Variants in GLT8D2 observed in about 807,000 individuals in gnomAD.
The protein encoded by GLT8D2 is glycosyltransferase 8 domain-containing protein 2.
Under a neutral mutation model 44.5 loss-of-function variants are expected in GLT8D2, and 45 were observed. The observed-to-expected ratio is 1.01, with a 90% confidence interval of 0.80 to 1.30. The LOEUF is 1.30. Ranked by LOEUF, GLT8D2 falls within the 50% of genes most tolerant of loss-of-function variation. The pLI is 0.00. For missense variants in GLT8D2, 400 were observed against 430.4 expected, an observed-to-expected ratio of 0.93 and a Z score of 0.62; for synonymous variants, 156 against 157.2, an observed-to-expected ratio of 0.99 and a Z score of 0.06.
chr12:104,013,034 CT>C (rs1184510325), intron 4 of GLT8D2, among the ~76,000 whole-genome samples: 8 of 152,218 alleles, frequency 5.3e-5, no homozygotes. Context: ...GTCTAGCCAC[CT>C]AGTCTGTGCT....
chr12:104,017,099 T>C (rs936381483), intron 3 of GLT8D2, among the ~76,000 whole-genome samples: 4 of 152,230 alleles, frequency 2.6e-5, no homozygotes, highest in African/African-American at 9.6e-5. Context: ...TTCATGTTCA[T>C]AGCATTAATA....
chr12:104,000,100 G>C (rs1426536923), intron 5 of GLT8D2, among the ~76,000 whole-genome samples: 1 of 151,840 alleles, frequency 6.6e-6, no homozygotes, highest in Non-Finnish European at 1.5e-5. Flanking sequence ...TCATAATGAG[G>C]TTCTTGGTAG....
At chr12:104,062,082 T>C (rs1566219393) in intron 1 of GLT8D2, among the ~76,000 whole-genome samples, 1 of 151,998 alleles carries the variant, frequency 6.6e-6, no homozygotes, top group Admixed American at 6.6e-5. Flanking sequence ...TGTTTGTTTG[T>C]TTGTTTTTTA....
At chr12:104,005,351 G>A (rs1874841190) in intron 4 of GLT8D2, among the ~76,000 whole-genome samples, 2 of 152,300 alleles carry the variant, frequency 1.3e-5, no homozygotes, top group South Asian at 4.1e-4. Context: ...TACACTAAAA[G>A]CAATGGCAAC....
At chr12:103,990,447 GCCA>G (rs1290868836) in intron 10 of GLT8D2, among the ~76,000 whole-genome samples, 10 of 152,058 alleles carry the variant, frequency 6.6e-5, no homozygotes, top group African/African-American at 2.2e-4. Flanking sequence ...CCCTAACAGT[GCCA>G]TTGCTTAGAA....
intron 4 of GLT8D2, among the ~76,000 whole-genome samples, chr12:104,005,064 C>T (rs1485068760): frequency 6.6e-6 from 1 of 152,070 alleles, no homozygotes; most frequent in East Asian, 1.9e-4. Context: ...ACAGAGGCCC[C>T]AGAAATAACA....
At chr12:104,064,336 C>T, upstream of GLT8D2, 1 of 439,810 alleles carries the variant, frequency 2.3e-6, no homozygotes, top group Non-Finnish European at 4.0e-6. The surrounding 1 kb of genome is among the most constrained non-coding windows in gnomAD (Gnocchi z 7.3). Context: ...AGGTGCGTTG[C>T]TCCGGGTGGC....
rs1566202453 is a variant in GLT8D2, at chr12:104,021,936, GAAGAA to G, written c.-163-450_-163-446del. Among the ~76,000 whole-genome samples, 116 of 25,612 alleles carry G rather than the reference GAAGAA, an allele frequency of 4.5e-3. 2 individuals are homozygous for G. In the Middle Eastern group the frequency reaches 0.053, roughly 12 times the overall value. The allele number at this position is 25,612 out of a possible 152,430, so 16.8% of individuals were successfully genotyped here. On this transcript the variant is annotated intron_variant, in intron 1 of 10. Coordinates refer to ENST00000360814, the MANE Select transcript of GLT8D2 (RefSeq NM_001384711.1). ...AGAAGAAGAAGAAGAAGAAGAAGAA[GAAGAA>G]GAAGAAGAAGAAGAGGAAGAAGAGG...
intron 1 of GLT8D2, among the ~76,000 whole-genome samples, chr12:104,057,458 T>C (rs1281476276): frequency 6.6e-6 from 1 of 151,974 alleles, no homozygotes. Flanking sequence ...GAGGTCAAGG[T>C]TGTGGTGAGC....
intron 1 of GLT8D2, among the ~76,000 whole-genome samples, chr12:104,056,916 T>C (rs1224545918): frequency 6.6e-6 from 1 of 152,170 alleles, no homozygotes; most frequent in East Asian, 1.9e-4. Flanking sequence ...CCAAGTAACA[T>C]TGTAAAAAAT....
At chr12:104,004,670 C>G (rs911728077) in intron 4 of GLT8D2, among the ~76,000 whole-genome samples, 1 of 152,148 alleles carries the variant, frequency 6.6e-6, no homozygotes, top group Admixed American at 6.5e-5. Context: ...ATCCAACTTA[C>G]GAGAGATGTG....
chr12:104,034,876 G>GCCCCATGTA (rs1879752232), intron 1 of GLT8D2, among the ~76,000 whole-genome samples: 1 of 152,234 alleles, frequency 6.6e-6, no homozygotes, highest in East Asian at 1.9e-4. Flanking sequence ...CTAACTGGGA[G>GCCCCATGTA]ACACCTCCCA....
intron 4 of GLT8D2, among the ~76,000 whole-genome samples, chr12:104,010,113 A>C (rs1014080175): frequency 6.6e-6 from 1 of 152,170 alleles, no homozygotes; most frequent in African/African-American, 2.4e-5. Flanking sequence ...CTGGCTGTGA[A>C]CTGATCTGCC....
At position 104,040,080 on chromosome 12, in the gene GLT8D2, G is replaced by A. The variant is rs974238711; in HGVS notation, c.-164+9815C>T. Among the ~76,000 whole-genome samples, 6 of 152,122 alleles carry A rather than the reference G, an allele frequency of 3.9e-5. No individual in the cohort carries two copies. In the East Asian group the frequency reaches 9.6e-4, roughly 24 times the overall value. The stretch of plus-strand genomic sequence containing the variant: ...AAACACTGCATGTTCTCTCACTCAT[G>A]GGTGGGAATTAAACAATAAGAACAC... On this transcript the variant is annotated intron_variant, in intron 1 of 10. Coordinates refer to ENST00000360814, the MANE Select transcript of GLT8D2 (RefSeq NM_001384711.1).
intron 1 of GLT8D2, among the ~76,000 whole-genome samples, chr12:104,048,270 T>C (rs945223766): frequency 6.6e-6 from 1 of 152,134 alleles, no homozygotes; most frequent in Non-Finnish European, 1.5e-5. Flanking sequence ...TTAACCTACA[T>C]TATGTGATAA....
rs75200002 is a variant in GLT8D2 at position 104,024,111 on chromosome 12, G to A, written c.-163-2620C>T. Among the ~76,000 whole-genome samples, 508 of 152,318 alleles carry A rather than the reference G, an allele frequency of 3.3e-3. 5 individuals are homozygous for A. The highest frequency in any genetic ancestry group is 0.012 in the African/African-American group (494 of 41,558). ...AAATTGCCAATCTAGGCTGGCTGCC[G>A]TGGCTCATGCCTATAATCCCTGCAC... On this transcript the variant is annotated intron_variant, in intron 1 of 10. Coordinates refer to ENST00000360814, the MANE Select transcript of GLT8D2 (RefSeq NM_001384711.1).
chr12:104,035,947 C>T (rs1273472460), intron 1 of GLT8D2, among the ~76,000 whole-genome samples: 1 of 152,188 alleles, frequency 6.6e-6, no homozygotes, highest in African/African-American at 2.4e-5. Context: ...CAAAGGGAAG[C>T]CCATCAGACT....
chr12:103,989,253 T>A lies in GLT8D2; in HGVS notation c.*155A>T, dbSNP rs973759106. 7 of 531,464 alleles carry A rather than the reference T, an allele frequency of 1.3e-5. No homozygotes were observed. Among genetic ancestry groups the A allele is most frequent in the Admixed American group, 3.7e-5 (1 of 27,150 alleles). The allele number at this position is 531,464 out of a possible 1,614,324, so 32.9% of individuals were successfully genotyped here. On this transcript the variant is annotated 3_prime_UTR_variant, in exon 11 of 11. Transcript: ENST00000360814. ...TTAAAGAAGTTAATCAATGCCTATA[T>A]GGTCCAAGGTATAATTTGCACACAG...
At chr12:104,051,915 A>G (rs12314761), upstream of GLT8D2, among the ~76,000 whole-genome samples, 40,297 of 152,106 alleles carry the variant, frequency 0.26, 6,381 homozygotes, top group Non-Finnish European at 0.34. Context: ...AGTTACACTG[A>G]TTTGATCTTT....
Sources: allele counts gnomAD v4.1 joint callset (sites outside exome capture counted in the v4.1 genomes callset), GRCh38; gene constraint gnomAD v4.1.1; non-coding constraint Gnocchi (gnomAD v3.1); transcripts MANE v1.5; gene names NCBI Gene and HGNC (gene_info 2026-07-23, HGNC 2026-07-21).